SI: variants seen among roughly 807,000 people sequenced by gnomAD.
SI encodes sucrase-isomaltase.
In SI, 235 loss-of-function variants were observed where a neutral mutation model predicts 253.3. The ratio of observed to expected loss-of-function variants is 0.93; its 90% CI spans 0.83 to 1.03. SI has a LOEUF of 1.03. Among genes scored for constraint, SI ranks in the 50% least tolerant of loss-of-function variants. SI has a pLI of 0.00. For missense variants in SI, 2,442 were observed against 2,211.1 expected, an observed-to-expected ratio of 1.10 and a Z score of -2.09; for synonymous variants, 819 against 712.0, an observed-to-expected ratio of 1.15 and a Z score of -2.39.
intron 44 of SI, among the ~76,000 whole-genome samples, chr3:164,989,514 G>T (rs148360357): frequency 3.3e-5 from 5 of 152,034 alleles, no homozygotes; most frequent in African/African-American, 1.2e-4. Context: ...GAAGAGAAGA[G>T]AAACAGGTCT....
intron 3 of SI, chr3:165,074,319 AC>A (rs1714798276): frequency 1.1e-5 from 3 of 283,310 alleles, no homozygotes; most frequent in African/African-American, 4.4e-5. Context: ...ATGAATATTA[AC>A]TTGTTAATTT....
chr3:165,048,168 C>G (rs566545622), intron 15 of SI, among the ~76,000 whole-genome samples: 6 of 152,066 alleles, frequency 3.9e-5, no homozygotes, highest in African/African-American at 1.4e-4. Flanking sequence ...TTTGAATAAA[C>G]ACTCAATCAC....
chr3:164,985,175 C>T (rs960818249), intron 45 of SI, among the ~76,000 whole-genome samples: 2 of 152,110 alleles, frequency 1.3e-5, no homozygotes, highest in African/African-American at 4.8e-5. Context: ...GTCATCGATG[C>T]TGTAGTTGGA....
At chr3:164,980,111 A>G (rs950408754) in intron 47 of SI, among the ~76,000 whole-genome samples, 1 of 151,868 alleles carries the variant, frequency 6.6e-6, no homozygotes, top group Non-Finnish European at 1.5e-5. Context: ...GGATTCAGTC[A>G]TCAAATACGC....
chr3:165,033,672 A>T (rs1712366480), intron 22 of SI, among the ~76,000 whole-genome samples: 1 of 151,472 alleles, frequency 6.6e-6, no homozygotes, highest in Non-Finnish European at 1.5e-5. Context: ...TGCCTTGCTT[A>T]TTTTTTCAAA....
At chr3:164,999,753 A>G (rs558753123) in intron 37 of SI, among the ~76,000 whole-genome samples, 2 of 151,812 alleles carry the variant, frequency 1.3e-5, no homozygotes, top group South Asian at 2.1e-4. Flanking sequence ...TAGTAGCTCA[A>G]GAAAGTTCGG....
intron 22 of SI, 102 bp from the exon 23 acceptor site, chr3:165,033,546 C>A (rs897282349): frequency 5.3e-6 from 6 of 1,126,956 alleles, no homozygotes; most frequent in Non-Finnish European, 6.8e-6. Flanking sequence ...AAACTAGATG[C>A]TGTTTATTAA....
At chr3:165,062,234 T>A (rs2108253539) in intron 9 of SI, 137 bp downstream of exon 9, 1 of 624,210 alleles carries the variant, frequency 1.6e-6, no homozygotes, top group African/African-American at 1.9e-5. Flanking sequence ...CAGCTGCATC[T>A]TAAATATGAT....
rs760540739 is a variant in SI, at chr3:164,998,466, T to A, written c.4540+74A>T. On this transcript the variant is annotated intron_variant, in intron 38 of 47. Transcript: ENST00000264382. ...AAATTCTGAGGACTTATAAATGTTA[T>A]GACCTAGCACCAGCAAAAGTGAGTA... 4.1e-4 allele frequency: 610 copies of A among 1,477,278 alleles called. 4 individuals are homozygous for A. Among genetic ancestry groups the A allele is most frequent in the Non-Finnish European group, 5.1e-4 (535 of 1,057,134 alleles). 91.5% of individuals were successfully genotyped at this position (1,477,278 alleles called of 1,614,324 possible).
At chr3:165,024,310 A>G (rs571561906) in intron 25 of SI, among the ~76,000 whole-genome samples, 2 of 151,462 alleles carry the variant, frequency 1.3e-5, no homozygotes, top group South Asian at 2.1e-4. Context: ...TGATTGGTTT[A>G]ACATAGAAGT....
At chr3:165,009,247 C>G (rs377487807) in intron 35 of SI, 32 bp downstream of exon 35, 24 of 1,413,426 alleles carry the variant, frequency 1.7e-5, no homozygotes, top group Non-Finnish European at 2.4e-5. Context: ...CAATAAATAA[C>G]TTAAAACATA....
At chr3:164,996,197 T>C (rs1391819807) in intron 40 of SI, among the ~76,000 whole-genome samples, 1 of 151,774 alleles carries the variant, frequency 6.6e-6, no homozygotes, top group Non-Finnish European at 1.5e-5. Context: ...TTACTTACTA[T>C]AGGCAGAGCA....
chr3:165,059,159 GATT>G lies in SI; in HGVS notation c.1278+6_1278+8del. The stretch of plus-strand genomic sequence containing the variant: ...ACTAAAAATGTATTAAGGTATAATT[GATT>G]ATTACCAAGATGATGACATATTTCT... On this transcript the variant is annotated splice_donor_region_variant and intron_variant, in intron 11 of 47. Transcript: ENST00000264382. 3 of 1,612,062 alleles carry G rather than the reference GATT, an allele frequency of 1.9e-6. No homozygotes were observed. In the South Asian group the frequency reaches 3.3e-5, roughly 18 times the overall value.
intron 13 of SI, among the ~76,000 whole-genome samples, chr3:165,054,428 G>A (rs891997532): frequency 2.0e-5 from 3 of 151,998 alleles, no homozygotes; most frequent in Non-Finnish European, 4.4e-5. Context: ...CTAGAATGCA[G>A]TGGCACCATC....
chr3:165,048,567 G>GTATA (rs151098561), intron 15 of SI, among the ~76,000 whole-genome samples: 7,967 of 123,474 alleles, frequency 0.065, 303 homozygotes, highest in Middle Eastern at 0.085. Flanking sequence ...ATATATATAT[G>GTATA]TATATATATA....
intron 13 of SI, among the ~76,000 whole-genome samples, chr3:165,054,873 C>T (rs186074808): frequency 5.3e-5 from 8 of 152,156 alleles, no homozygotes; most frequent in Admixed American, 3.3e-4. Context: ...CTGCAATAGG[C>T]TTATCACCAA....
chr3:165,070,569 A>T (rs1714510634), intron 3 of SI, among the ~76,000 whole-genome samples: 1 of 151,656 alleles, frequency 6.6e-6, no homozygotes, highest in Non-Finnish European at 1.5e-5. Flanking sequence ...TCTACAAAAA[A>T]AATTACTTAC....
At chr3:165,015,836 G>C in intron 32 of SI, 116 bp downstream of exon 32, 1 of 883,194 alleles carries the variant, frequency 1.1e-6, no homozygotes, top group African/African-American at 1.6e-5. Flanking sequence ...TTAGATTTGG[G>C]AGTGTTACTC....
chr3:165,046,531 C>A (rs1713126251), intron 16 of SI, among the ~76,000 whole-genome samples: 1 of 151,850 alleles, frequency 6.6e-6, no homozygotes, highest in South Asian at 2.1e-4. Flanking sequence ...TGTATTTGAA[C>A]TTTTCTTCAC....
Sources: gnomAD v4.1 joint callset for allele counts (sites outside exome capture counted in the v4.1 genomes callset) on GRCh38, gnomAD v4.1.1 for gene constraint, MANE v1.5 for transcripts, NCBI Gene and HGNC (gene_info 2026-07-23, HGNC 2026-07-21) for gene names.